Variants in GPR137C observed in about 807,000 individuals in gnomAD.
GPR137C encodes the protein integral membrane protein GPR137C.
In GPR137C, 27 loss-of-function variants were observed where a neutral mutation model predicts 43.4. The observed-to-expected ratio is 0.62, with a 90% confidence interval of 0.46 to 0.86. GPR137C has a LOEUF of 0.86. Ranked by LOEUF, GPR137C falls within the 40% of genes least tolerant of loss-of-function variation. GPR137C has a pLI of 0.00. For missense variants in GPR137C, 522 were observed against 534.6 expected, an observed-to-expected ratio of 0.98 and a Z score of 0.23; for synonymous variants, 285 against 226.9, an observed-to-expected ratio of 1.26 and a Z score of -2.30.
intron 3 of GPR137C, chr14:52,611,898 A>T: frequency 1.0e-6 from 1 of 975,290 alleles, no homozygotes; most frequent in Non-Finnish European, 1.2e-6. Context: ...AAAAATATAA[A>T]TGTTGACTCG....
chr14:52,627,743 C>T lies in GPR137C; in HGVS notation c.718-4417C>T, dbSNP rs534515233. On this transcript the variant is annotated intron_variant, in intron 3 of 6. Coordinates refer to ENST00000321662, the MANE Select transcript of GPR137C (RefSeq NM_001099652.2). The stretch of plus-strand genomic sequence containing the variant: ...CCTGTAATCCCAGCTACTCAGGATC[C>T]TGAGGCAGGAGAATCGCTTGAACCT... Among the ~76,000 whole-genome samples the T allele has an allele frequency of 7.2e-5, 11 of 152,158 alleles. No individual in the cohort carries two copies. The East Asian group carries it at 2.1e-3, about 29-fold the overall frequency.
At chr14:52,621,285 G>C (rs1457373809) in intron 3 of GPR137C, among the ~76,000 whole-genome samples, 1 of 151,716 alleles carries the variant, frequency 6.6e-6, no homozygotes, top group Admixed American at 6.6e-5. Flanking sequence ...AAAGAAAAAA[G>C]CTGTCAACTC....
chr14:52,634,713 G>C (rs978709586), intron 6 of GPR137C, among the ~76,000 whole-genome samples: 2 of 151,998 alleles, frequency 1.3e-5, no homozygotes, highest in East Asian at 1.9e-4. Context: ...GTTCTGAGTG[G>C]CATTTATTCA....
At chr14:52,576,140 TAAAG>T (rs1050066127) in intron 1 of GPR137C, among the ~76,000 whole-genome samples, 43 of 152,334 alleles carry the variant, frequency 2.8e-4, no homozygotes, top group African/African-American at 9.9e-4. Flanking sequence ...AGGCCCCAGA[TAAAG>T]AAAGACACTC....
intron 1 of GPR137C, among the ~76,000 whole-genome samples, chr14:52,561,095 T>A (rs1245057673): frequency 7.1e-6 from 1 of 141,080 alleles, no homozygotes; most frequent in Admixed American, 6.9e-5. Context: ...GAAGAGATGC[T>A]CAAGGTTATT....
intron 3 of GPR137C, among the ~76,000 whole-genome samples, chr14:52,619,594 GT>G (rs1211231948): frequency 1.3e-5 from 2 of 152,030 alleles, no homozygotes; most frequent in Admixed American, 6.6e-5. Flanking sequence ...TTACACTTAG[GT>G]TTATATCTCT....
intron 1 of GPR137C, among the ~76,000 whole-genome samples, chr14:52,591,841 T>G (rs566597657): frequency 3.9e-4 from 59 of 152,208 alleles, no homozygotes; most frequent in Non-Finnish European, 6.6e-4. Context: ...AGATCCCATT[T>G]GTATATTTTG....
intron 1 of GPR137C, among the ~76,000 whole-genome samples, chr14:52,566,536 C>T (rs1305258433): frequency 6.6e-6 from 1 of 152,102 alleles, no homozygotes; most frequent in African/African-American, 2.4e-5. Flanking sequence ...GCCCAATTGG[C>T]ATTTTTTTAA....
rs899876386 is a variant in GPR137C at position 52,553,142 on chromosome 14, C to T, written c.-6C>T. ...CGCGCTCGCTCGCCCGGCCCCCAGC[C>T]CCCTCATGAGGGTGTCCGTGCCGGG... On this transcript the variant is annotated 5_prime_UTR_variant, in exon 1 of 7. Coordinates refer to ENST00000321662, the MANE Select transcript of GPR137C (RefSeq NM_001099652.2). 14 of 1,167,888 alleles carry T rather than the reference C, an allele frequency of 1.2e-5. No homozygotes were observed. The African/African-American group carries it at 1.9e-4, about 16-fold the overall frequency. The allele number at this position is 1,167,888 out of a possible 1,614,324, so 72.3% of individuals were successfully genotyped here. A position where few individuals can be genotyped will look rare whatever the true frequency, so the allele number is the denominator to read the frequency against.
intron 4 of GPR137C, 85 bp from the exon 5 acceptor site, chr14:52,633,445 A>C: frequency 4.3e-6 from 5 of 1,164,006 alleles, no homozygotes; most frequent in Non-Finnish European, 6.2e-6. Context: ...ATTTTATCTT[A>C]CCTGACTTGA....
At chr14:52,585,903 G>A (rs937224260) in intron 1 of GPR137C, among the ~76,000 whole-genome samples, 8 of 152,156 alleles carry the variant, frequency 5.3e-5, no homozygotes, top group Admixed American at 5.2e-4. Flanking sequence ...TATCACTCAT[G>A]GCTAAAGCAG....
At chr14:52,577,619 A>G (rs2038580846) in intron 1 of GPR137C, among the ~76,000 whole-genome samples, 1 of 152,002 alleles carries the variant, frequency 6.6e-6, no homozygotes, top group Admixed American at 6.6e-5. Flanking sequence ...AGAGGATTCA[A>G]ATAAGAACAA....
At chr14:52,566,997 C>T (rs1034424026) in intron 1 of GPR137C, among the ~76,000 whole-genome samples, 13 of 152,148 alleles carry the variant, frequency 8.5e-5, no homozygotes, top group African/African-American at 3.1e-4. Flanking sequence ...CCTGTAATCT[C>T]AACTACTTGG....
chr14:52,565,667 T>C (rs1164335067), intron 1 of GPR137C, among the ~76,000 whole-genome samples: 1 of 152,240 alleles, frequency 6.6e-6, no homozygotes, highest in Non-Finnish European at 1.5e-5. Context: ...AGTAGCATTT[T>C]CTTCTTTCCA....
intron 1 of GPR137C, among the ~76,000 whole-genome samples, chr14:52,555,676 A>G (rs1024371960): frequency 1.3e-5 from 2 of 152,216 alleles, no homozygotes; most frequent in East Asian, 1.9e-4. Context: ...TTTAAAAACG[A>G]TAAAACTCTA....
chr14:52,567,212 C>G (rs1198436153), intron 1 of GPR137C, among the ~76,000 whole-genome samples: 5 of 152,112 alleles, frequency 3.3e-5, no homozygotes, highest in African/African-American at 1.2e-4. Context: ...ACCTTAAGTG[C>G]GTAACTTCTC....
chr14:52,587,109 C>T (rs1267609626), intron 1 of GPR137C, among the ~76,000 whole-genome samples: 2 of 152,152 alleles, frequency 1.3e-5, no homozygotes, highest in Non-Finnish European at 2.9e-5. Context: ...CACCACCACA[C>T]GAAAACACTT....
rs77186245 is a variant in GPR137C, at chr14:52,626,068, T to C, written c.718-6092T>C. Among the ~76,000 whole-genome samples, 78 of 152,304 alleles carry C rather than the reference T, an allele frequency of 5.1e-4. 1 individual carries two copies. The East Asian group carries it at 0.013, about 26-fold the overall frequency. ...ATACAGAATAACAACTATTTACATA[T>C]CATTTTTCACAGTATTCAGTATTAT... On this transcript the variant is annotated intron_variant, in intron 3 of 6. Coordinates refer to ENST00000321662, the MANE Select transcript of GPR137C (RefSeq NM_001099652.2).
At chr14:52,583,037 C>T (rs1478909328) in intron 1 of GPR137C, among the ~76,000 whole-genome samples, 1 of 151,880 alleles carries the variant, frequency 6.6e-6, no homozygotes, top group Non-Finnish European at 1.5e-5. Flanking sequence ...ATTCTTTATA[C>T]TTTCATAGAA....
Sources: gnomAD v4.1 joint callset for allele counts (sites outside exome capture counted in the v4.1 genomes callset) on GRCh38, gnomAD v4.1.1 for gene constraint, MANE v1.5 for transcripts, NCBI Gene and HGNC (gene_info 2026-07-23, HGNC 2026-07-21) for gene names.